RGS6: variants seen among roughly 807,000 people sequenced by gnomAD.
RGS6 encodes the protein regulator of G-protein signaling 6.
RGS6 carries 30 observed loss-of-function variants against 78.5 expected under a neutral mutation model. The observed-to-expected ratio is 0.38, with a 90% CI of 0.29 to 0.52. RGS6 has a LOEUF of 0.52. Ranked by LOEUF, RGS6 falls within the 20% of genes least tolerant of loss-of-function variation. RGS6 has a pLI of 0.85. For missense variants in RGS6, 495 were observed against 609.7 expected, an observed-to-expected ratio of 0.81 and a Z score of 1.98; for synonymous variants, 206 against 206.0, an observed-to-expected ratio of 1.00 and a Z score of 0.00.
At chr14:72,311,779 A>G (rs867952494) in intron 2 of RGS6, among the ~76,000 whole-genome samples, 8 of 152,194 alleles carry the variant, frequency 5.3e-5, no homozygotes, top group Admixed American at 1.3e-4. Flanking sequence ...TACAAGGATA[A>G]TTTACATACA....
At chr14:71,875,581 A>G in the RGS6 span, among the ~76,000 whole-genome samples, 1 of 151,594 alleles carries the variant, frequency 6.6e-6, no homozygotes, top group African/African-American at 2.4e-5. Context: ...TTTGCTGATC[A>G]TTTCAAAAAA....
the RGS6 span, among the ~76,000 whole-genome samples, chr14:72,586,709 C>G: frequency 1.3e-5 from 2 of 152,112 alleles, no homozygotes; most frequent in Non-Finnish European, 2.9e-5. Flanking sequence ...TACTTCATCC[C>G]GAAACATCTT....
chr14:72,124,848 C>T (rs962919953), intron 2 of RGS6, among the ~76,000 whole-genome samples: 1 of 152,122 alleles, frequency 6.6e-6, no homozygotes, highest in Non-Finnish European at 1.5e-5. Flanking sequence ...ACTGAAGCTC[C>T]CTCCATAACT....
intron 3 of RGS6, among the ~76,000 whole-genome samples, chr14:72,444,530 T>G (rs1330394340): frequency 6.6e-6 from 1 of 152,206 alleles, no homozygotes; most frequent in Non-Finnish European, 1.5e-5. Context: ...CTTCTCTGTT[T>G]CATTCAAATA....
At chr14:72,140,239 C>G (rs1258485706) in intron 2 of RGS6, among the ~76,000 whole-genome samples, 11 of 150,380 alleles carry the variant, frequency 7.3e-5, no homozygotes, top group Non-Finnish European at 2.9e-5. Flanking sequence ...ATTTAGCTGA[C>G]CACCTGGCAA....
rs191159962 is a variant in RGS6, at chr14:72,447,300, C to T, written c.185-7228C>T. Among the ~76,000 whole-genome samples, 27 of 152,268 alleles carry T rather than the reference C, an allele frequency of 1.8e-4. No individual in the cohort carries two copies. The South Asian group carries it at 3.1e-3, about 18-fold the overall frequency. On this transcript the variant is annotated intron_variant, in intron 3 of 17. Coordinates refer to ENST00000553525, the MANE Select transcript of RGS6 (RefSeq NM_001204424.2). ...TTTCTGCCCTCACTTCCGGGAAATG[C>T]GCATCCTGGATCACAGAAAAGCTGC...
At chr14:71,957,825 G>A (rs1366616310) in intron 1 of RGS6, among the ~76,000 whole-genome samples, 1 of 152,086 alleles carries the variant, frequency 6.6e-6, no homozygotes, top group Non-Finnish European at 1.5e-5. Flanking sequence ...GAGTGCAGTG[G>A]TGTGATCATA....
chr14:72,254,442 C>T (rs2056603925), intron 2 of RGS6, among the ~76,000 whole-genome samples: 1 of 152,082 alleles, frequency 6.6e-6, no homozygotes, highest in South Asian at 2.1e-4. Flanking sequence ...TCCCCTTTCA[C>T]ATTGAAGCCT....
chr14:72,572,383 G>A, the RGS6 span, among the ~76,000 whole-genome samples: 1 of 152,080 alleles, frequency 6.6e-6, no homozygotes, highest in Non-Finnish European at 1.5e-5. Flanking sequence ...ACCAAAAAAT[G>A]GAAACAATTC....
chr14:72,616,515 C>T, the RGS6 span, among the ~76,000 whole-genome samples: 13 of 152,128 alleles, frequency 8.5e-5, no homozygotes, highest in Non-Finnish European at 4.4e-5. Flanking sequence ...CACAAGAAGG[C>T]GGACATGGAA....
At chr14:72,095,644 G>A (rs2095386753) in intron 2 of RGS6, among the ~76,000 whole-genome samples, 1 of 152,322 alleles carries the variant, frequency 6.6e-6, no homozygotes, top group South Asian at 2.1e-4. Flanking sequence ...ACAAAGACGA[G>A]AGCATTCACA....
rs1243017159 is a variant in RGS6 at position 72,224,079 on chromosome 14, G to A, written c.85-128016G>A. Among the ~76,000 whole-genome samples the A allele has an allele frequency of 2.6e-5, 4 of 152,200 alleles. No individual in the cohort carries two copies. In the East Asian group the frequency reaches 5.8e-4, roughly 22 times the overall value. ...ATTGGGATTTTTGCCGTCAACAGCT[G>A]AAATACAATATTTAAGAGGAAGAAA... On this transcript the variant is annotated intron_variant, in intron 2 of 17. Coordinates refer to ENST00000553525, the MANE Select transcript of RGS6 (RefSeq NM_001204424.2).
chr14:72,235,539 A>G (rs2050788807), intron 2 of RGS6, among the ~76,000 whole-genome samples: 1 of 152,208 alleles, frequency 6.6e-6, no homozygotes, highest in Admixed American at 6.5e-5. Flanking sequence ...TTCCTTTATC[A>G]TTCTTATTTC....
At chr14:72,552,287 G>T (rs2097519129) in intron 17 of RGS6, among the ~76,000 whole-genome samples, 1 of 152,182 alleles carries the variant, frequency 6.6e-6, no homozygotes, top group Non-Finnish European at 1.5e-5. Context: ...AGGGACTGTG[G>T]TGCCCAGCAG....
intron 3 of RGS6, among the ~76,000 whole-genome samples, chr14:72,383,709 T>C (rs1369971698): frequency 1.3e-5 from 2 of 152,184 alleles, no homozygotes; most frequent in Non-Finnish European, 2.9e-5. Flanking sequence ...CCTTCTGTTT[T>C]ACTCTTTCTC....
chr14:72,550,529 T>TG (rs1308643122), intron 17 of RGS6: 3 of 1,535,712 alleles, frequency 2.0e-6, no homozygotes, highest in Middle Eastern at 1.7e-4. Context: ...GAAATGGAGA[T>TG]GGAGCATCCA....
intron 5 of RGS6, 61 bp downstream of exon 5, chr14:72,458,438 G>T: frequency 7.8e-7 from 1 of 1,287,972 alleles, no homozygotes. Context: ...CTGATCTTAG[G>T]TTAGAACTAC....
In RGS6 at chr14:72,027,568, T is replaced by C. The variant is rs79511731; in HGVS notation, c.84+62693T>C. On this transcript the variant is annotated intron_variant, in intron 2 of 17. Transcript: ENST00000553525. ...TTGTAGCCCAGTGACAGATGATCAGTGATGTCAAAAGCGTGATTCTGGAGA... is the reference window on the plus strand; with the variant it reads ...TTGTAGCCCAGTGACAGATGATCAGCGATGTCAAAAGCGTGATTCTGGAGA... Among the ~76,000 whole-genome samples, 1,140 of 152,118 alleles carry C rather than the reference T, an allele frequency of 7.5e-3. 11 individuals carry two copies. Among genetic ancestry groups the C allele is most frequent in the African/African-American group, 0.024 (1,008 of 41,498 alleles).
chr14:72,327,447 C>T (rs116331376), intron 2 of RGS6, among the ~76,000 whole-genome samples: 1,745 of 152,322 alleles, frequency 0.011, 29 homozygotes, highest in African/African-American at 0.04. Flanking sequence ...ACTATTACAA[C>T]TTAATAAGGT....
Sources: gnomAD v4.1 joint callset for allele counts (sites outside exome capture counted in the v4.1 genomes callset) on GRCh38, gnomAD v4.1.1 for gene constraint, MANE v1.5 for transcripts, NCBI Gene and HGNC (gene_info 2026-07-23, HGNC 2026-07-21) for gene names.